The following NCK1 variants were observed in gnomAD, a reference collection of about 807,000 sequenced individuals.
The protein encoded by NCK1 is SH2/SH3 adapter protein NCK1.
A neutral mutation model predicts 36.6 loss-of-function variants in NCK1; 19 were observed. The ratio of observed to expected loss-of-function variants is 0.52; its 90% confidence interval spans 0.36 to 0.76. The LOEUF is 0.76. Among genes scored for constraint, NCK1 ranks in the 30% least tolerant of loss-of-function variants. The probability of loss-of-function intolerance (pLI) is 0.00; values close to 1 mark genes in which losing one functional copy is unlikely to be tolerated. For missense variants in NCK1, 358 were observed against 445.6 expected, an observed-to-expected ratio of 0.80 and a Z score of 1.77; for synonymous variants, 165 against 156.0, an observed-to-expected ratio of 1.06 and a Z score of -0.43.
chr3:136,905,450 T>A (rs1386538055), intron 1 of NCK1, among the ~76,000 whole-genome samples: 1 of 151,758 alleles, frequency 6.6e-6, no homozygotes, highest in Non-Finnish European at 1.5e-5. Context: ...GAGACAGAGA[T>A]GGGGTTCTGC....
Position 136,951,389 on chromosome 3 carries a change from T to A in NCK1, c.*2936T>A, listed in dbSNP as rs993888430. ...AATGTTGTTCAACCCACACAGTGCT[T>A]TAAAAAATTAATTGCCAACATTTAA... On this transcript the variant is annotated 3_prime_UTR_variant, in exon 4 of 4. Coordinates refer to ENST00000481752, the MANE Select transcript of NCK1 (RefSeq NM_001291999.2). Among the ~76,000 whole-genome samples the A allele has an allele frequency of 6.6e-6, 1 of 152,178 alleles. No homozygotes were observed. Among genetic ancestry groups the A allele is most frequent in the Non-Finnish European group, 1.5e-5 (1 of 68,010 alleles).
intron 1 of NCK1, chr3:136,899,730 G>T: frequency 1.1e-6 from 1 of 921,692 alleles, no homozygotes; most frequent in South Asian, 1.3e-5. Flanking sequence ...CACTGTTTCT[G>T]TTCTACTATT....
chr3:136,875,491 G>C (rs1938740613), intron 1 of NCK1, among the ~76,000 whole-genome samples: 1 of 152,186 alleles, frequency 6.6e-6, no homozygotes, highest in African/African-American at 2.4e-5. Flanking sequence ...AAAAAAGGCA[G>C]GGATTGCAAT....
chr3:136,922,645 C>G (rs1350522345), intron 1 of NCK1, among the ~76,000 whole-genome samples: 1 of 152,174 alleles, frequency 6.6e-6, no homozygotes, highest in Non-Finnish European at 1.5e-5. Flanking sequence ...TACTATTTCT[C>G]CCCTATTAGA....
At position 136,920,674 on chromosome 3, in the gene NCK1, T is replaced by C. The variant is rs1411190158; in HGVS notation, c.-18-7310T>C. Among the ~76,000 whole-genome samples the C allele has an allele frequency of 3.9e-5, 6 of 152,182 alleles. No homozygotes were observed. In the East Asian group the frequency reaches 9.6e-4, roughly 24 times the overall value. On this transcript the variant is annotated intron_variant, in intron 1 of 3. Transcript: ENST00000481752. Reference sequence around the variant, plus strand: ...ATCCTATAATCTGAAGATTATTACATTTTATCTAAAGAAAGAAGCCATTAT... The same window carrying C: ...ATCCTATAATCTGAAGATTATTACACTTTATCTAAAGAAAGAAGCCATTAT...
chr3:136,885,171 A>T (rs1322283554), intron 1 of NCK1, among the ~76,000 whole-genome samples: 1 of 152,216 alleles, frequency 6.6e-6, no homozygotes, highest in Admixed American at 6.5e-5. Flanking sequence ...TTAAGCAAGG[A>T]AACAGGAATG....
intron 2 of NCK1, among the ~76,000 whole-genome samples, chr3:136,934,338 T>A (rs1940469137): frequency 1.3e-5 from 2 of 152,074 alleles, no homozygotes; most frequent in Non-Finnish European, 2.9e-5. Context: ...CAGGTTGGAG[T>A]GCAGTGGTGT....
intron 1 of NCK1, among the ~76,000 whole-genome samples, chr3:136,890,704 A>C (rs1461431415): frequency 6.6e-6 from 1 of 152,216 alleles, no homozygotes; most frequent in Non-Finnish European, 1.5e-5. Flanking sequence ...GCATTCATGT[A>C]CATGTTTTTA....
At chr3:136,927,327 G>A (rs1268998884) in intron 1 of NCK1, among the ~76,000 whole-genome samples, 4 of 152,134 alleles carry the variant, frequency 2.6e-5, no homozygotes, top group Non-Finnish European at 5.9e-5. Context: ...GTCCTCTGTG[G>A]TAATGGGTTT....
intron 1 of NCK1, among the ~76,000 whole-genome samples, chr3:136,869,870 T>C (rs1049124633): frequency 1.9e-4 from 29 of 152,192 alleles, no homozygotes; most frequent in African/African-American, 6.3e-4. Flanking sequence ...GTTAAAACAC[T>C]GATTCTCTTG....
At chr3:136,888,219 A>G (rs1939126119) in intron 1 of NCK1, among the ~76,000 whole-genome samples, 1 of 152,096 alleles carries the variant, frequency 6.6e-6, no homozygotes, top group Non-Finnish European at 1.5e-5. Flanking sequence ...CTGAGATTAC[A>G]GGTGTGAGCC....
At chr3:136,923,127 C>T (rs1940154601) in intron 1 of NCK1, among the ~76,000 whole-genome samples, 1 of 151,030 alleles carries the variant, frequency 6.6e-6, no homozygotes, top group Non-Finnish European at 1.5e-5. Context: ...GTGTGCGCGC[C>T]TGTGTGCATG....
At chr3:136,880,643 T>C (rs1938907785) in intron 1 of NCK1, among the ~76,000 whole-genome samples, 1 of 152,186 alleles carries the variant, frequency 6.6e-6, no homozygotes, top group Admixed American at 6.5e-5. Flanking sequence ...TTGTTTGTTT[T>C]TTTGAGGCAG....
intron 1 of NCK1, among the ~76,000 whole-genome samples, chr3:136,886,604 C>G (rs1939080049): frequency 6.6e-6 from 1 of 151,838 alleles, no homozygotes; most frequent in Non-Finnish European, 1.5e-5. Flanking sequence ...CCCATAGATA[C>G]AGAGGGCCAA....
intron 1 of NCK1, among the ~76,000 whole-genome samples, chr3:136,898,125 G>A (rs1228248764): frequency 6.6e-6 from 1 of 152,176 alleles, no homozygotes; most frequent in Non-Finnish European, 1.5e-5. Context: ...GTGGGGTGCA[G>A]TGGCTCACAC....
At chr3:136,923,520 ACTCC>A (rs1289466476) in intron 1 of NCK1, among the ~76,000 whole-genome samples, 1 of 151,714 alleles carries the variant, frequency 6.6e-6, no homozygotes, top group African/African-American at 2.4e-5. Flanking sequence ...GCTCCACTGC[ACTCC>A]AGCCTGGGTG....
At chr3:136,897,726 T>G (rs566331355) in intron 1 of NCK1, among the ~76,000 whole-genome samples, 2 of 152,318 alleles carry the variant, frequency 1.3e-5, no homozygotes, top group South Asian at 2.1e-4. Flanking sequence ...AGTTCTAAAT[T>G]AATTATTTTC....
intron 1 of NCK1, among the ~76,000 whole-genome samples, chr3:136,862,725 G>A (rs762646033): frequency 5.9e-5 from 9 of 152,248 alleles, no homozygotes; most frequent in Non-Finnish European, 1.3e-4. Context: ...CCTTTTGCCA[G>A]CTGTGGCGTA....
intron 1 of NCK1, among the ~76,000 whole-genome samples, chr3:136,865,653 T>C (rs1411168062): frequency 6.6e-6 from 1 of 152,234 alleles, no homozygotes; most frequent in East Asian, 1.9e-4. Context: ...ATTAAATGAT[T>C]ATTTCATTAA....
Sources: allele counts gnomAD v4.1 joint callset (sites outside exome capture counted in the v4.1 genomes callset), GRCh38; gene constraint gnomAD v4.1.1; transcripts MANE v1.5; gene names NCBI Gene and HGNC (gene_info 2026-07-23, HGNC 2026-07-21).